The following CSMD3 variants were observed in gnomAD, a reference collection of about 807,000 sequenced individuals.
CSMD3 encodes the protein CUB and Sushi multiple domains 3.
A neutral mutation model predicts 435.2 loss-of-function variants in CSMD3; 177 were observed. The ratio of observed to expected loss-of-function variants is 0.41; its 90% CI spans 0.36 to 0.46. The LOEUF is 0.46. Among genes scored for constraint, CSMD3 ranks in the 20% least tolerant of loss-of-function variants. CSMD3 has a pLI of 0.34. For synonymous variants in CSMD3, 1,656 were observed against 1,520.5 expected, an observed-to-expected ratio of 1.09 and a Z score of -2.07; for missense variants, 4,265 against 4,504.6, an observed-to-expected ratio of 0.95 and a Z score of 1.52.
chr8:113,211,549 C>T (rs1012993623), intron 3 of CSMD3, among the ~76,000 whole-genome samples: 1 of 152,036 alleles, frequency 6.6e-6, no homozygotes, highest in Non-Finnish European at 1.5e-5. Context: ...AATAGCCAGG[C>T]ATCATGGCGT....
At chr8:112,422,987 CAG>C (rs1047094716) in intron 32 of CSMD3, among the ~76,000 whole-genome samples, 1 of 152,116 alleles carries the variant, frequency 6.6e-6, no homozygotes, top group African/African-American at 2.4e-5. Context: ...TAACCTTCTC[CAG>C]AGAGTACATA....
chr8:113,230,823 C>T (rs1034466559), intron 3 of CSMD3, among the ~76,000 whole-genome samples: 4 of 151,386 alleles, frequency 2.6e-5, no homozygotes, highest in African/African-American at 9.7e-5. Context: ...TTATGTCCTC[C>T]AGAATAAAAT....
intron 1 of CSMD3, among the ~76,000 whole-genome samples, chr8:113,398,991 C>G (rs2094496399): frequency 6.7e-6 from 1 of 149,828 alleles, no homozygotes; most frequent in African/African-American, 2.5e-5. Context: ...GTGCATATTC[C>G]TCTTTGTTGC....
At chr8:112,929,755 T>C (rs2083045542) in intron 9 of CSMD3, among the ~76,000 whole-genome samples, 1 of 152,064 alleles carries the variant, frequency 6.6e-6, no homozygotes, top group African/African-American at 2.4e-5. Flanking sequence ...TGAAGGTTAC[T>C]AGTAGAATGC....
rs547600595 is a variant in CSMD3, at chr8:113,028,883, C to A, written c.918-9704G>T. 3.5e-4 allele frequency among the ~76,000 whole-genome samples: 53 copies of A among 151,592 alleles called. 1 individual carries two copies. Among genetic ancestry groups the A allele is most frequent in the South Asian group, 2.7e-3 (13 of 4,764 alleles). On this transcript the variant is annotated intron_variant, in intron 5 of 70. Coordinates refer to ENST00000297405, the MANE Select transcript of CSMD3 (RefSeq NM_198123.2). ...TAGAAGCTGCTGCAAGCTATCCAGA[C>A]GGTCTAGCTAAAATAATTGATGAAG...
At chr8:112,728,062 G>A (rs1191542232) in intron 13 of CSMD3, among the ~76,000 whole-genome samples, 1 of 151,834 alleles carries the variant, frequency 6.6e-6, no homozygotes, top group Non-Finnish European at 1.5e-5. Flanking sequence ...AAAGACAAAA[G>A]GCATTAACAC....
chr8:113,206,001 A>C (rs542187355), intron 3 of CSMD3, among the ~76,000 whole-genome samples: 1 of 152,142 alleles, frequency 6.6e-6, no homozygotes, highest in Admixed American at 6.5e-5. Context: ...TGTATTTAAA[A>C]TTGCATTGGA....
At chr8:113,363,391 G>T (rs2094290449) in intron 1 of CSMD3, among the ~76,000 whole-genome samples, 1 of 152,096 alleles carries the variant, frequency 6.6e-6, no homozygotes, top group Admixed American at 6.6e-5. Context: ...TTCACAGAGT[G>T]TATTAGTTTC....
intron 63 of CSMD3, among the ~76,000 whole-genome samples, chr8:112,249,971 A>C (rs1815122942): frequency 6.6e-6 from 1 of 152,158 alleles, no homozygotes; most frequent in East Asian, 1.9e-4. Flanking sequence ...TGATTTGAAA[A>C]TGTTGGAGCA....
intron 27 of CSMD3, among the ~76,000 whole-genome samples, chr8:112,548,688 A>G (rs1238407564): frequency 6.6e-6 from 1 of 152,146 alleles, no homozygotes; most frequent in Non-Finnish European, 1.5e-5. Flanking sequence ...TCATTCATGA[A>G]AAGAATATTT....
intron 55 of CSMD3, 25 bp from the exon 56 acceptor site, chr8:112,291,720 C>T: frequency 6.5e-7 from 1 of 1,528,744 alleles, no homozygotes. Flanking sequence ...AATTTTGAAA[C>T]ATATGTTTGG....
At chr8:112,328,232 G>A (rs1250949206) in intron 45 of CSMD3, among the ~76,000 whole-genome samples, 1 of 152,134 alleles carries the variant, frequency 6.6e-6, no homozygotes, top group Non-Finnish European at 1.5e-5. Context: ...GTTCTGTTAT[G>A]CAGTTTGGGC....
At position 112,689,961 on chromosome 8, in the gene CSMD3, AC is replaced by A. The variant is rs1203687803; in HGVS notation, c.2061del (p.Arg687SerfsTer10). Reference sequence around the variant, plus strand: ...AATTCAAACCCAAACTGGCATTCAAACCTTAAAACATCACGATTAGAAAATC... The same window carrying A: ...AATTCAAACCCAAACTGGCATTCAAACTTAAAACATCACGATTAGAAAATC... ...GDGFSNRDVLRFECQFGFELI... is the reference protein window; with the variant it reads ...GDGFSNRDVLXFECQFGFELI... On this transcript the variant is annotated frameshift_variant, in exon 14 of 71. Coordinates refer to ENST00000297405, the MANE Select transcript of CSMD3 (RefSeq NM_198123.2). LOFTEE classifies it high-confidence loss of function. The A allele has an allele frequency of 6.2e-7, 1 of 1,613,260 alleles. No homozygotes were observed. The highest frequency in any genetic ancestry group is 1.1e-5 in the South Asian group (1 of 91,074).
At chr8:113,342,407 CA>C (rs2094125702) in intron 1 of CSMD3, among the ~76,000 whole-genome samples, 1 of 152,160 alleles carries the variant, frequency 6.6e-6, no homozygotes, top group African/African-American at 2.4e-5. Flanking sequence ...GCGCTATTTG[CA>C]GACTAATAAG....
At chr8:113,163,897 C>T (rs572086605) in intron 4 of CSMD3, among the ~76,000 whole-genome samples, 1 of 152,060 alleles carries the variant, frequency 6.6e-6, no homozygotes, top group African/African-American at 2.4e-5. Flanking sequence ...ACAAACCTGA[C>T]CTGAGAAGCT....
At chr8:112,467,532 A>G (rs1419613531) in intron 32 of CSMD3, among the ~76,000 whole-genome samples, 3 of 151,806 alleles carry the variant, frequency 2.0e-5, no homozygotes, top group African/African-American at 7.3e-5. Context: ...TTATGTATAT[A>G]TATAGTTCAC....
intron 58 of CSMD3, among the ~76,000 whole-genome samples, chr8:112,285,369 T>C (rs939457984): frequency 6.6e-6 from 1 of 152,098 alleles, no homozygotes; most frequent in Non-Finnish European, 1.5e-5. Flanking sequence ...CAGCACTATG[T>C]TTTCCAAGTC....
At chr8:112,429,950 G>C (rs548829975) in intron 32 of CSMD3, among the ~76,000 whole-genome samples, 18 of 152,002 alleles carry the variant, frequency 1.2e-4, no homozygotes, top group African/African-American at 4.1e-4. Flanking sequence ...AGAAGAAATT[G>C]AGGTCAAAGT....
intron 13 of CSMD3, among the ~76,000 whole-genome samples, chr8:112,781,745 G>T (rs1301293224): frequency 3.3e-5 from 5 of 152,138 alleles, no homozygotes; most frequent in Non-Finnish European, 5.9e-5. Flanking sequence ...GAGAGACTCT[G>T]TTGGGAGGAA....
Sources: allele counts gnomAD v4.1 joint callset (sites outside exome capture counted in the v4.1 genomes callset), GRCh38; gene constraint gnomAD v4.1.1; transcripts MANE v1.5; gene names NCBI Gene and HGNC (gene_info 2026-07-23, HGNC 2026-07-21).